The following LITAF variants were observed in gnomAD, a reference collection of about 807,000 sequenced individuals.
LITAF encodes lipopolysaccharide induced TNF factor.
Under a neutral mutation model 14.5 loss-of-function variants are expected in LITAF, and 9 were observed. The ratio of observed to expected loss-of-function variants is 0.62; its 90% CI spans 0.37 to 1.08. The LOEUF (loss-of-function observed/expected upper bound fraction) is 1.08. LITAF is among the 50% of genes least tolerant of loss of function. The pLI, the probability that LITAF is intolerant of heterozygous loss-of-function variation, is 0.01. For synonymous variants in LITAF, 98 were observed against 88.2 expected (o/e 1.11, Z -0.62); for missense variants, 206 against 213.4 (o/e 0.97, Z 0.22).
chr16:11,593,966 C>T (rs1025950884), intron 1 of LITAF, among the ~76,000 whole-genome samples: 1 of 151,910 alleles, frequency 6.6e-6, no homozygotes, highest in Admixed American at 6.6e-5. Flanking sequence ...TGCTTGAGGT[C>T]GGGAGTTTGA....
intron 1 of LITAF, 106 bp from the exon 2 acceptor site, chr16:11,556,841 A>G (rs538060090): frequency 2.1e-6 from 2 of 971,636 alleles, no homozygotes; most frequent in African/African-American, 3.2e-5. Context: ...ATTCTGAGAA[A>G]ATGACTTCCA....
intron 1 of LITAF, among the ~76,000 whole-genome samples, chr16:11,569,963 G>A (rs1007550675): frequency 2.6e-5 from 4 of 151,388 alleles, no homozygotes; most frequent in African/African-American, 7.3e-5. Context: ...CCTGGGAAGC[G>A]GAGATTGCAG....
Position 11,634,588 on chromosome 16 carries a change from G to A in LITAF, c.-20-951C>T, listed in dbSNP as rs1042816997. Among the ~76,000 whole-genome samples, 3 of 152,020 alleles carry A rather than the reference G, an allele frequency of 2.0e-5. No individual in the cohort carries two copies. The highest frequency in any genetic ancestry group is 2.1e-4 in the South Asian group (1 of 4,820). ...CTTCTCAGGTTTTTGCATTTCTGAC[G>A]ATCCACTGAGGACTCAGTGCACATG... On this transcript the variant is annotated intron_variant, in intron 2 of 3. Transcript: ENST00000574848. This position sits in a 1 kb window ranked among gnomAD's most constrained non-coding sequence, Gnocchi z 4.1.
At chr16:11,564,653 C>T (rs894161943) in intron 1 of LITAF, among the ~76,000 whole-genome samples, 3 of 152,032 alleles carry the variant, frequency 2.0e-5, no homozygotes, top group African/African-American at 7.2e-5. Flanking sequence ...GGTATCGCTC[C>T]TGCTAACTAA....
At chr16:11,565,132 G>C (rs1002409631) in intron 1 of LITAF, among the ~76,000 whole-genome samples, 7 of 150,830 alleles carry the variant, frequency 4.6e-5, no homozygotes, top group Non-Finnish European at 1.0e-4. Context: ...GCTCAGGCTG[G>C]AGTACAGTGG....
chr16:11,624,636 A>G (rs1190404466), intron 3 of LITAF, among the ~76,000 whole-genome samples: 1 of 152,232 alleles, frequency 6.6e-6, no homozygotes, highest in Non-Finnish European at 1.5e-5. Context: ...GTCTCCATTT[A>G]TATTCACTAT....
intron 3 of LITAF, among the ~76,000 whole-genome samples, chr16:11,607,900 C>G (rs970621710): frequency 9.2e-5 from 14 of 152,152 alleles, no homozygotes; most frequent in African/African-American, 3.4e-4. Flanking sequence ...AAAGATGTCT[C>G]CAGATGACAT....
rs2064979579 is a variant in LITAF, at chr16:11,611,009, G to T, written c.85+22524C>A. Reference sequence around the variant, plus strand: ...GGAGGGAGGAAAAGTCAAGGAGAAGGCGCCTAAAAATCTATGAGTCGTCCT... The same window carrying T: ...GGAGGGAGGAAAAGTCAAGGAGAAGTCGCCTAAAAATCTATGAGTCGTCCT... On this transcript the variant is annotated intron_variant, in intron 3 of 3. Transcript: ENST00000574848. Among the ~76,000 whole-genome samples, 4 of 152,010 alleles carry T rather than the reference G, an allele frequency of 2.6e-5. No homozygotes were observed. In the South Asian group the frequency reaches 8.3e-4, roughly 32 times the overall value.
chr16:11,592,351 G>A (rs1282165286), intron 1 of LITAF, among the ~76,000 whole-genome samples: 7 of 151,988 alleles, frequency 4.6e-5, no homozygotes, highest in Non-Finnish European at 7.4e-5. Flanking sequence ...TGAGGCGGGC[G>A]GCTCACCAGA....
intron 1 of LITAF, among the ~76,000 whole-genome samples, chr16:11,570,686 T>C (rs2064528037): frequency 6.6e-6 from 1 of 152,074 alleles, no homozygotes; most frequent in Admixed American, 6.5e-5. Context: ...CAAAGGTCCT[T>C]ATAAGAGAAA....
At chr16:11,564,522 A>G (rs2089176225) in intron 1 of LITAF, among the ~76,000 whole-genome samples, 1 of 151,732 alleles carries the variant, frequency 6.6e-6, no homozygotes, top group Admixed American at 6.6e-5. Flanking sequence ...TGCACAATCA[A>G]ACCTGCAGGT....
chr16:11,627,535 A>C (rs1274983278), intron 3 of LITAF, among the ~76,000 whole-genome samples: 1 of 152,202 alleles, frequency 6.6e-6, no homozygotes, highest in East Asian at 1.9e-4. Flanking sequence ...CATCCTGACT[A>C]ATGTATTAGA....
chr16:11,567,979 G>C (rs1170717455), intron 1 of LITAF, among the ~76,000 whole-genome samples: 1 of 151,766 alleles, frequency 6.6e-6, no homozygotes. Context: ...GCGAGACTCT[G>C]TCTCAAAAAA....
In LITAF at chr16:11,558,437, G is replaced by A. The variant is rs529068424; in HGVS notation, c.-5-1702C>T. Reference sequence around the variant, plus strand: ...AAACAAAACAAAAGGGCTGGGTGCAGTGGCTCATGCCTGTAATCCCAGTAC... The same window carrying A: ...AAACAAAACAAAAGGGCTGGGTGCAATGGCTCATGCCTGTAATCCCAGTAC... On this transcript the variant is annotated intron_variant, in intron 1 of 3. Transcript: ENST00000622633. This position sits in a 1 kb window ranked among gnomAD's most constrained non-coding sequence, Gnocchi z 4.1. 6.6e-6 allele frequency among the ~76,000 whole-genome samples: 1 copy of A among 152,220 alleles called. No individual in the cohort carries two copies. The highest frequency in any genetic ancestry group is 1.5e-5 in the Non-Finnish European group (1 of 68,036).
At chr16:11,613,071 G>A (rs542221948) in intron 3 of LITAF, among the ~76,000 whole-genome samples, 3 of 151,872 alleles carry the variant, frequency 2.0e-5, no homozygotes, top group Non-Finnish European at 2.9e-5. Context: ...ATGGAGTTTC[G>A]CTCTGTTGCC....
Position 11,556,240 on chromosome 16 carries a change from A to G in LITAF, c.220+271T>C, listed in dbSNP as rs1421167120. The G allele has an allele frequency of 1.3e-5, 7 of 538,656 alleles. No individual in the cohort carries two copies. The East Asian group carries it at 1.7e-4, about 13-fold the overall frequency. The allele number at this position is 538,656 out of a possible 1,614,324, so 33.4% of individuals were successfully genotyped here. The stretch of plus-strand genomic sequence containing the variant: ...AGACACAAACTCCCATTCTCAGAAG[A>G]AAGTTGGTTGTGCCTCCAAGAGATG... On this transcript the variant is annotated intron_variant, in intron 2 of 3. Transcript: ENST00000622633.
At chr16:11,629,388 C>G (rs2065104807) in intron 3 of LITAF, among the ~76,000 whole-genome samples, 1 of 152,182 alleles carries the variant, frequency 6.6e-6, no homozygotes, top group African/African-American at 2.4e-5. Flanking sequence ...AGACAAGGTG[C>G]AGGAGGAAGA....
At chr16:11,611,143 G>A (rs975994726) in intron 3 of LITAF, among the ~76,000 whole-genome samples, 1 of 151,994 alleles carries the variant, frequency 6.6e-6, no homozygotes, top group Non-Finnish European at 1.5e-5. Flanking sequence ...GAGGCCAGGA[G>A]TTCAAGACCA....
Position 11,605,350 on chromosome 16 carries a change from G to C in LITAF, c.85+28183C>G, listed in dbSNP as rs1157797501. Among the ~76,000 whole-genome samples, 4 of 152,132 alleles carry C rather than the reference G, an allele frequency of 2.6e-5. No individual in the cohort carries two copies. Among genetic ancestry groups the C allele is most frequent in the African/African-American group, 9.7e-5 (4 of 41,416 alleles). ...CTATGTCTTCAGAAACCCCCACGAG[G>C]CCCAGGATTCCTCCCAGGCGGGATC... On this transcript the variant is annotated intron_variant, in intron 3 of 3. Coordinates refer to the LITAF transcript ENST00000574848. The surrounding 1 kb of genome is among the most constrained non-coding windows in gnomAD (Gnocchi z 4.7).
Sources: gnomAD v4.1 joint callset for allele counts (sites outside exome capture counted in the v4.1 genomes callset) on GRCh38, gnomAD v4.1.1 for gene constraint, Gnocchi (gnomAD v3.1) non-coding constraint, MANE v1.5 for transcripts, NCBI Gene and HGNC (gene_info 2026-07-23, HGNC 2026-07-21) for gene names.